ITGB6: variants seen among roughly 807,000 people sequenced by gnomAD.
ITGB6 encodes integrin beta-6.
In ITGB6, 80 loss-of-function variants were observed where a neutral mutation model predicts 84.5. That is an observed-to-expected ratio of 0.95 (90% CI 0.79 to 1.14). The LOEUF (loss-of-function observed/expected upper bound fraction) is 1.14. Ranked by LOEUF, ITGB6 falls within the 50% of genes most tolerant of loss-of-function variation. The pLI, the probability that ITGB6 is intolerant of heterozygous loss-of-function variation, is 0.00. For missense variants in ITGB6, 1,006 were observed against 968.0 expected (o/e 1.04, Z -0.52); for synonymous variants, 383 against 354.9 (o/e 1.08, Z -0.89).
intron 2 of ITGB6, among the ~76,000 whole-genome samples, chr2:160,198,318 A>G (rs1686422932): frequency 6.6e-6 from 1 of 151,996 alleles, no homozygotes; most frequent in South Asian, 2.1e-4. Context: ...TACACACTGA[A>G]CTCGGAGTTT....
chr2:160,112,871 G>C (rs1384204656), intron 12 of ITGB6, among the ~76,000 whole-genome samples: 1 of 151,630 alleles, frequency 6.6e-6, no homozygotes, highest in Non-Finnish European at 1.5e-5. Flanking sequence ...TCATTCAAGA[G>C]GCAGAAAATG....
chr2:160,123,346 A>T (rs1360271602), intron 12 of ITGB6, among the ~76,000 whole-genome samples: 1 of 152,106 alleles, frequency 6.6e-6, no homozygotes, highest in Admixed American at 6.6e-5. Context: ...CTAACCAGAA[A>T]CCACCCAGTA....
At chr2:160,133,700 A>T (rs1284449609) in intron 10 of ITGB6, among the ~76,000 whole-genome samples, 1 of 152,176 alleles carries the variant, frequency 6.6e-6, no homozygotes, top group Admixed American at 6.5e-5. Context: ...ATTATAACAA[A>T]CTGTCTCTCA....
At chr2:160,198,651 G>A (rs1686436961) in intron 2 of ITGB6, among the ~76,000 whole-genome samples, 2 of 152,128 alleles carry the variant, frequency 1.3e-5, no homozygotes, top group Admixed American at 6.5e-5. Context: ...TCACTGGTGT[G>A]GTACAGAGTC....
chr2:160,127,474 GTTGTCACACC>G (rs1360297903), intron 10 of ITGB6, among the ~76,000 whole-genome samples: 5 of 152,150 alleles, frequency 3.3e-5, no homozygotes, highest in African/African-American at 1.2e-4. Flanking sequence ...TCCCCTTTGA[GTTGTCACACC>G]TTTCTGAACA....
At chr2:160,128,773 G>A (rs764772435) in intron 10 of ITGB6, among the ~76,000 whole-genome samples, 4 of 152,120 alleles carry the variant, frequency 2.6e-5, no homozygotes, top group Non-Finnish European at 4.4e-5. Flanking sequence ...GGTCACTGCC[G>A]TGTCACCAAT....
At chr2:160,147,748 G>T (rs926107506) in intron 7 of ITGB6, among the ~76,000 whole-genome samples, 1 of 152,000 alleles carries the variant, frequency 6.6e-6, no homozygotes, top group African/African-American at 2.4e-5. Context: ...TTCAACAAAC[G>T]GTGCTTGAAC....
chr2:160,182,185 C>T (rs537629929), intron 4 of ITGB6, among the ~76,000 whole-genome samples: 51 of 152,242 alleles, frequency 3.3e-4, no homozygotes, highest in African/African-American at 1.2e-3. Flanking sequence ...TGAGTAATAA[C>T]AAACTCCTCT....
intron 4 of ITGB6, among the ~76,000 whole-genome samples, chr2:160,193,654 C>A (rs563767416): frequency 2.0e-4 from 31 of 152,292 alleles, no homozygotes; most frequent in African/African-American, 6.7e-4. Context: ...GCAGACAGTG[C>A]CCTTATTGCC....
intron 7 of ITGB6, among the ~76,000 whole-genome samples, chr2:160,155,552 G>C (rs1346080110): frequency 6.6e-6 from 1 of 152,154 alleles, no homozygotes; most frequent in African/African-American, 2.4e-5. Context: ...TACATTTATG[G>C]AGAGAGTAGG....
intron 11 of ITGB6, 51 bp downstream of exon 11, chr2:160,126,328 G>T (rs911038986): frequency 6.5e-7 from 1 of 1,530,068 alleles, no homozygotes; most frequent in South Asian, 1.1e-5. Flanking sequence ...CTGTAAGTTT[G>T]ATCACTATAA....
intron 3 of ITGB6, among the ~76,000 whole-genome samples, chr2:160,195,914 A>T (rs973636085): frequency 1.3e-5 from 2 of 152,232 alleles, no homozygotes; most frequent in African/African-American, 4.8e-5. Flanking sequence ...AAGGAGAACC[A>T]AATAAAAGAG....
At chr2:160,120,987 C>G (rs1353613144) in intron 12 of ITGB6, among the ~76,000 whole-genome samples, 2 of 149,838 alleles carry the variant, frequency 1.3e-5, no homozygotes, top group Non-Finnish European at 3.0e-5. Context: ...GTGCAGCACA[C>G]CAACATGGCA....
intron 4 of ITGB6, among the ~76,000 whole-genome samples, chr2:160,177,292 C>A (rs536114543): frequency 6.6e-6 from 1 of 152,206 alleles, no homozygotes; most frequent in East Asian, 1.9e-4. Context: ...CCTGGCCAGG[C>A]GCTGTGGCTC....
At chr2:160,187,767 A>T (rs1402136391) in intron 4 of ITGB6, among the ~76,000 whole-genome samples, 1 of 152,164 alleles carries the variant, frequency 6.6e-6, no homozygotes, top group Non-Finnish European at 1.5e-5. Flanking sequence ...TGGGTTTATT[A>T]TTATAGTTAT....
intron 11 of ITGB6, among the ~76,000 whole-genome samples, chr2:160,124,281 C>T (rs997454575): frequency 6.6e-6 from 1 of 152,184 alleles, no homozygotes; most frequent in African/African-American, 2.4e-5. Flanking sequence ...AATTTCTTGA[C>T]AGAAATGGTC....
At chr2:160,128,982 G>A (rs1683346353) in intron 10 of ITGB6, among the ~76,000 whole-genome samples, 1 of 152,076 alleles carries the variant, frequency 6.6e-6, no homozygotes, top group Admixed American at 6.6e-5. Flanking sequence ...AAGCTGTCAT[G>A]GATCAGGTCA....
At chr2:160,180,806 A>G (rs112508285) in intron 4 of ITGB6, among the ~76,000 whole-genome samples, 61 of 152,230 alleles carry the variant, frequency 4.0e-4, no homozygotes, top group African/African-American at 1.4e-3. Flanking sequence ...TCTCACTGGG[A>G]CTGGTTAGAC....
intron 4 of ITGB6, among the ~76,000 whole-genome samples, chr2:160,189,166 C>G (rs1183576229): frequency 1.3e-5 from 2 of 152,142 alleles, no homozygotes; most frequent in Non-Finnish European, 2.9e-5. Flanking sequence ...AAAGCTGAAA[C>G]TGGATCCCTT....
Sources: gnomAD v4.1 joint callset for allele counts (sites outside exome capture counted in the v4.1 genomes callset) on GRCh38, gnomAD v4.1.1 for gene constraint, MANE v1.5 for transcripts, NCBI Gene and HGNC (gene_info 2026-07-23, HGNC 2026-07-21) for gene names.